LRP6: variants seen among roughly 807,000 people sequenced by gnomAD.
The protein encoded by LRP6 is LDL receptor related protein 6, also known as low-density lipoprotein receptor-related protein 6.
In LRP6, 43 loss-of-function variants were observed where a neutral mutation model predicts 184.1. The observed-to-expected ratio is 0.23, with a 90% confidence interval of 0.18 to 0.30. The LOEUF is 0.30. Among genes scored for constraint, LRP6 ranks in the 10% least tolerant of loss-of-function variants. LRP6 has a pLI of 1.00. For synonymous variants in LRP6, 719 were observed against 684.9 expected (o/e 1.05, Z -0.78); for missense variants, 1,571 against 2,005.3 (o/e 0.78, Z 4.14).
intron 2 of LRP6, among the ~76,000 whole-genome samples, chr12:12,227,126 G>A (rs1426545829): frequency 2.0e-5 from 3 of 151,898 alleles, no homozygotes; most frequent in Admixed American, 6.6e-5. Context: ...AGAATAGAGC[G>A]AAATATTTTA....
Position 12,193,156 on chromosome 12 carries a change from T to C in LRP6, c.648-6037A>G, listed in dbSNP as rs747233619. ...TTCTCAATTTCCTCTAAATCAGCAA[T>C]GAGTCGAGGAAGAAATTACAATAAA... is the stretch of plus-strand genomic sequence containing the variant. On this transcript the variant is annotated intron_variant, in intron 3 of 22. Coordinates refer to ENST00000261349, the MANE Select transcript of LRP6 (RefSeq NM_002336.3). Among the ~76,000 whole-genome samples the C allele has an allele frequency of 2.0e-5, 3 of 151,928 alleles. No individual in the cohort carries two copies. In the South Asian group the frequency reaches 6.2e-4, roughly 31 times the overall value.
At chr12:12,142,725 T>A (rs139348290) in intron 15 of LRP6, among the ~76,000 whole-genome samples, 1 of 151,956 alleles carries the variant, frequency 6.6e-6, no homozygotes, top group Non-Finnish European at 1.5e-5. Context: ...CTCAAAACAT[T>A]AGCAAATCAA....
At chr12:12,250,783 C>T (rs766009640) in intron 1 of LRP6, among the ~76,000 whole-genome samples, 7 of 151,978 alleles carry the variant, frequency 4.6e-5, no homozygotes, top group Non-Finnish European at 1.0e-4. Flanking sequence ...ACACCACACC[C>T]GGCTAATTTT....
intron 7 of LRP6, among the ~76,000 whole-genome samples, chr12:12,174,911 A>C (rs1863132215): frequency 6.6e-6 from 1 of 152,224 alleles, no homozygotes; most frequent in Admixed American, 6.5e-5. Context: ...TTTGTACAAA[A>C]CTAGCTATGG....
At chr12:12,166,250 C>G (rs1457222672) in intron 7 of LRP6, among the ~76,000 whole-genome samples, 2 of 152,156 alleles carry the variant, frequency 1.3e-5, no homozygotes, top group African/African-American at 4.8e-5. Context: ...CACTGGGACT[C>G]TGGAAGGCTT....
Position 12,186,956 on chromosome 12 carries a change from T to C in LRP6, c.811A>G (p.Ile271Val), listed in dbSNP as rs1313363279. The C allele has an allele frequency of 3.1e-6, 5 of 1,614,192 alleles. No individual in the cohort carries two copies. Among genetic ancestry groups the C allele is most frequent in the Non-Finnish European group, 4.2e-6 (5 of 1,180,022 alleles). ...TGCCTCTGTTGGCTGAAGGCATGTA[T>C]ATCCATGGGAGAGAAGATGTCAGAA... ...IHSDIFSPMD[I>V]HAFSQQRQPN... is the part of the protein sequence containing the mutation. The change falls in exon 4 of 23, where the codon ATA becomes GTA. Residue 271 changes from isoleucine (I) to valine (V), a missense_variant. By Grantham distance (29) the Ile-to-Val change is conservative (BLOSUM62 3). This residue lies in a region of LRP6 where 640 missense variants were observed against 851.9 expected (regional missense o/e 0.75). Coordinates refer to ENST00000261349, the MANE Select transcript of LRP6 (RefSeq NM_002336.3).
intron 9 of LRP6, among the ~76,000 whole-genome samples, chr12:12,164,060 G>A (rs565589286): frequency 1.3e-5 from 2 of 151,796 alleles, no homozygotes; most frequent in Non-Finnish European, 2.9e-5. Context: ...AACCTGGGAG[G>A]CAGGGGTTGC....
chr12:12,162,160 A>G (rs1862756832), intron 10 of LRP6, 33 bp downstream of exon 10: 2 of 1,507,312 alleles, frequency 1.3e-6, no homozygotes, highest in African/African-American at 2.7e-5. Flanking sequence ...TGTACACTGC[A>G]GTTGCAAAGA....
At chr12:12,125,229 C>T (rs965320519) in intron 21 of LRP6, 67 bp downstream of exon 21, 18 of 1,579,014 alleles carry the variant, frequency 1.1e-5, no homozygotes, top group Non-Finnish European at 1.2e-5. Context: ...TGATCACCCA[C>T]ATTTAAATGA....
At chr12:12,138,158 G>A (rs1160755144) in intron 16 of LRP6, among the ~76,000 whole-genome samples, 167 bp downstream of exon 16, 7 of 150,994 alleles carry the variant, frequency 4.6e-5, no homozygotes, top group African/African-American at 1.7e-4. Flanking sequence ...GCGACAGAGT[G>A]AGACTCCGTC....
intron 2 of LRP6, among the ~76,000 whole-genome samples, chr12:12,224,894 G>T (rs1205645442): frequency 1.3e-5 from 2 of 152,202 alleles, no homozygotes; most frequent in Non-Finnish European, 2.9e-5. Context: ...CTGGATGCCT[G>T]CCTGAATCCA....
intron 1 of LRP6, among the ~76,000 whole-genome samples, chr12:12,246,518 C>A (rs1435954081): frequency 6.6e-6 from 1 of 151,542 alleles, no homozygotes; most frequent in African/African-American, 2.4e-5. Flanking sequence ...CATGGAAACC[C>A]CATCTCTACA....
chr12:12,156,293 G>A lies in LRP6; in HGVS notation c.2791+2536C>T, dbSNP rs554192111. Among the ~76,000 whole-genome samples, 43 of 152,306 alleles carry A rather than the reference G, an allele frequency of 2.8e-4. No homozygotes were observed. The South Asian group carries it at 8.7e-3, about 31-fold the overall frequency. ...TATATGCAATAACACTCCAAGCAGAGTAAACAAGCAGTTCAACAGTCATGA... is the reference window on the plus strand; with the variant it reads ...TATATGCAATAACACTCCAAGCAGAATAAACAAGCAGTTCAACAGTCATGA... On this transcript the variant is annotated intron_variant, in intron 12 of 22. Coordinates refer to ENST00000261349, the MANE Select transcript of LRP6 (RefSeq NM_002336.3).
chr12:12,230,541 T>C (rs1294810072), intron 2 of LRP6, among the ~76,000 whole-genome samples: 1 of 152,182 alleles, frequency 6.6e-6, no homozygotes, highest in Non-Finnish European at 1.5e-5. Flanking sequence ...TACTAGATCA[T>C]AAATCATGTC....
At chr12:12,152,652 A>G (rs1285809636) in intron 12 of LRP6, among the ~76,000 whole-genome samples, 5 of 152,182 alleles carry the variant, frequency 3.3e-5, no homozygotes, top group African/African-American at 1.2e-4. Flanking sequence ...CTTCATTAAA[A>G]TATCTGTATA....
intron 7 of LRP6, among the ~76,000 whole-genome samples, chr12:12,178,315 T>G (rs1362817687): frequency 1.3e-5 from 2 of 152,204 alleles, no homozygotes; most frequent in South Asian, 2.1e-4. Context: ...ACTTGAAATA[T>G]TCCCAGTAAG....
At chr12:12,137,504 G>C (rs1949858488) in intron 16 of LRP6, among the ~76,000 whole-genome samples, 1 of 151,998 alleles carries the variant, frequency 6.6e-6, no homozygotes, top group Non-Finnish European at 1.5e-5. Flanking sequence ...TCCCAAAGGG[G>C]GGGAAAAAAA....
chr12:12,231,602 A>T (rs1864789951), intron 2 of LRP6, among the ~76,000 whole-genome samples: 2 of 151,976 alleles, frequency 1.3e-5, no homozygotes. Context: ...TTGATAACTC[A>T]TTTACCAAAA....
intron 11 of LRP6, 50 bp from the exon 12 acceptor site, chr12:12,159,205 G>A: frequency 2.2e-6 from 3 of 1,379,696 alleles, no homozygotes; most frequent in South Asian, 1.2e-5. Context: ...GATGAAATAT[G>A]TGAGAATACA....
Sources: gnomAD v4.1 joint callset for allele counts (sites outside exome capture counted in the v4.1 genomes callset) on GRCh38, gnomAD v4.1.1 for gene constraint, gnomAD v4.1.1 regional missense constraint, MANE v1.5 for transcripts, NCBI Gene and HGNC (gene_info 2026-07-23, HGNC 2026-07-21) for gene names.